ZSWIM4: variants seen among roughly 807,000 people sequenced by gnomAD.
ZSWIM4 encodes zinc finger SWIM domain-containing protein 4.
ZSWIM4 carries 62 observed loss-of-function variants against 102.5 expected under a neutral mutation model. The observed-to-expected ratio is 0.60, with a 90% CI of 0.49 to 0.75. The LOEUF is 0.75. Ranked by LOEUF, ZSWIM4 falls within the 30% of genes least tolerant of loss-of-function variation. The probability of loss-of-function intolerance (pLI) is 0.00; values close to 1 mark genes in which losing one functional copy is unlikely to be tolerated. For missense variants in ZSWIM4, 1,280 were observed against 1,529.6 expected (o/e 0.84, Z 2.72); for synonymous variants, 652 against 674.5 (o/e 0.97, Z 0.52).
chr19:13,808,105 A>G (rs1227713118), intron 3 of ZSWIM4, among the ~76,000 whole-genome samples: 2 of 152,062 alleles, frequency 1.3e-5, no homozygotes, highest in Non-Finnish European at 2.9e-5. Flanking sequence ...TGAGAACTCT[A>G]TCATGAGACA....
chr19:13,819,521 G>A (rs963694481), intron 10 of ZSWIM4, 29 bp downstream of exon 10: 1 of 1,560,124 alleles, frequency 6.4e-7, no homozygotes, highest in African/African-American at 1.4e-5. Context: ...GGCAGTGGCA[G>A]GGGGAGCTGG....
intron 9 of ZSWIM4, among the ~76,000 whole-genome samples, chr19:13,818,598 C>CT (rs201416382): frequency 0.01 from 1,529 of 152,330 alleles, 20 homozygotes; most frequent in African/African-American, 0.035. Flanking sequence ...AGTCTTCACT[C>CT]TGTCACCCAG....
intron 2 of ZSWIM4, among the ~76,000 whole-genome samples, chr19:13,804,374 G>A (rs896269165): frequency 6.6e-6 from 1 of 152,072 alleles, no homozygotes; most frequent in African/African-American, 2.4e-5. Flanking sequence ...GGAAGCTGAG[G>A]CAGGAGAATC....
At chr19:13,816,169 G>A (rs752781914) in intron 7 of ZSWIM4, among the ~76,000 whole-genome samples, 5 of 152,126 alleles carry the variant, frequency 3.3e-5, no homozygotes, top group Non-Finnish European at 5.9e-5. Flanking sequence ...AGTCGATGGG[G>A]TTGATGGATC....
intron 12 of ZSWIM4, among the ~76,000 whole-genome samples, chr19:13,827,332 C>G (rs765591678): frequency 1.3e-5 from 2 of 151,536 alleles, no homozygotes; most frequent in South Asian, 2.1e-4. Context: ...GGGCCAGGCC[C>G]TGTGGTTCAC....
chr19:13,817,201 T>C lies in ZSWIM4; in HGVS notation c.1532-15T>C, dbSNP rs1161225174. On this transcript the variant is annotated splice_polypyrimidine_tract_variant and intron_variant, in intron 7 of 13. Transcript: ENST00000590508. Reference sequence around the variant, plus strand: ...GCAGGTGTGTGGGCATTGAGCCCCCTCTTTCCACCTGCAGAGCTGCTCCAG... The same window carrying C: ...GCAGGTGTGTGGGCATTGAGCCCCCCCTTTCCACCTGCAGAGCTGCTCCAG... The C allele has an allele frequency of 1.9e-6, 3 of 1,603,404 alleles. No homozygotes were observed. Among genetic ancestry groups the C allele is most frequent in the Non-Finnish European group, 2.6e-6 (3 of 1,172,474 alleles).
rs193093741 is a variant in ZSWIM4 at position 13,820,962 on chromosome 19, C to G, written c.2060+1470C>G. ...ACCTGGTTTTCATTTATCACGTACA[C>G]CAGCAGATTCACAGAAGGAGAATAT... On this transcript the variant is annotated intron_variant, in intron 10 of 13. Transcript: ENST00000590508. 1.6e-3 allele frequency among the ~76,000 whole-genome samples: 250 copies of G among 151,620 alleles called. 2 individuals carry two copies. Among genetic ancestry groups the G allele is most frequent in the African/African-American group, 5.8e-3 (238 of 41,308 alleles).
rs377330296 is a variant in ZSWIM4 at position 13,809,254 on chromosome 19, G to C, written c.1012+34G>C. 2 of 1,564,228 alleles carry C rather than the reference G, an allele frequency of 1.3e-6. No individual in the cohort carries two copies. Among genetic ancestry groups the C allele is most frequent in the African/African-American group, 1.3e-5 (1 of 74,076 alleles). ...CAAACCCCGGTGCGTGGTGGACACC[G>C]GGACTTCGGCTCCCATGGGGGCTGG... On this transcript the variant is annotated intron_variant, in intron 5 of 13. Transcript: ENST00000590508. This position sits in a 1 kb window ranked among gnomAD's most constrained non-coding sequence, Gnocchi z 4.2.
At chr19:13,815,161 CTTTTTT>C (rs879592528) in intron 7 of ZSWIM4, 2 of 148,718 alleles carry the variant, frequency 1.3e-5, no homozygotes, top group South Asian at 3.9e-4. Flanking sequence ...GACCTCATCT[CTTTTTT>C]TTTTTGAGAC....
Position 13,817,308 on chromosome 19 carries a change from C to T in ZSWIM4, c.1624C>T (p.Leu542=). The T allele has an allele frequency of 2.5e-6, 4 of 1,614,072 alleles. No individual in the cohort carries two copies. The highest frequency in any genetic ancestry group is 3.4e-6 in the Non-Finnish European group (4 of 1,179,928). The change falls in exon 8 of 14, where the codon CTG becomes TTG. Residue 542 remains leucine (L), a synonymous_variant. Coordinates refer to ENST00000590508, the MANE Select transcript of ZSWIM4 (RefSeq NM_001367834.3). Reference sequence around the variant, plus strand: ...CATTGGCTGCCTCTGCAGGGCGCTCCTGGAGGCCTGTCGTCTGGAGGAGGA... The same window carrying T: ...CATTGGCTGCCTCTGCAGGGCGCTCTTGGAGGCCTGTCGTCTGGAGGAGGA... ...DPIGCLCRAL[L]EACRLEEETL...
In ZSWIM4 at chr19:13,809,166, C is replaced by T. The variant is rs1175528817; in HGVS notation, c.958C>T (p.Arg320Trp). 6.2e-6 allele frequency: 10 copies of T among 1,613,256 alleles called. No homozygotes were observed. Among genetic ancestry groups the T allele is most frequent in the Non-Finnish European group, 7.6e-6 (9 of 1,179,624 alleles). The change falls in exon 5 of 14, where the codon CGG becomes TGG. Residue 320 changes from arginine (R) to tryptophan (W), a missense_variant. Coordinates refer to ENST00000590508, the MANE Select transcript of ZSWIM4 (RefSeq NM_001367834.3). The surrounding 1 kb of genome is among the most constrained non-coding windows in gnomAD (Gnocchi z 4.2). ...GCAGGACACGCGCCTGGCCCTGTGG[C>T]GGCAGCAGGGCGCGGGCATGACGGA... is the stretch of plus-strand genomic sequence containing the variant. ...FLQDTRLALW[R>W]QQGAGMTDKC...
At position 13,812,860 on chromosome 19, in the gene ZSWIM4, A is replaced by G. The variant is rs111679361; in HGVS notation, c.1013-137A>G. The G allele has an allele frequency of 2.5e-5, 22 of 887,818 alleles. 1 individual carries two copies. Among genetic ancestry groups the G allele is most frequent in the African/African-American group, 2.0e-4 (12 of 59,532 alleles). The allele number at this position is 887,818 out of a possible 1,614,324, so 55.0% of individuals were successfully genotyped here. A position where few individuals can be genotyped will look rare whatever the true frequency, so the allele number is the denominator to read the frequency against. ...CTCAGTTTGCTTGTCTGTAAGGTGC[A>G]AAGGCTGCGAGTTGCAACTTCCGAG... On this transcript the variant is annotated intron_variant, in intron 5 of 13. Transcript: ENST00000590508.
At position 13,830,764 on chromosome 19, in the gene ZSWIM4, C is replaced by T. The variant is rs1356273885; in HGVS notation, c.3035C>T (p.Pro1012Leu). The T allele has an allele frequency of 6.2e-7, 1 of 1,607,152 alleles. No individual in the cohort carries two copies. The highest frequency in any genetic ancestry group is 8.5e-7 in the Non-Finnish European group (1 of 1,176,896). The stretch of plus-strand genomic sequence containing the variant: ...ACTCTCTCGGCGCCCGGTCTGGGCC[C>T]CTTAGGGGCACGCCGGGCCGCCAAG... ...RWTLSAPGLGPLGARRAAKPL... is the reference protein window; with the variant it reads ...RWTLSAPGLGLLGARRAAKPL... Residue 1012 changes from proline (P) to leucine (L), a missense_variant, in exon 14 of 14, where the codon CCC becomes CTC. By Grantham distance (98) the Pro-to-Leu change is moderately conservative. Coordinates refer to ENST00000590508, the MANE Select transcript of ZSWIM4 (RefSeq NM_001367834.3).
intron 2 of ZSWIM4, among the ~76,000 whole-genome samples, chr19:13,801,284 G>A (rs1326779469): frequency 6.6e-6 from 1 of 152,184 alleles, no homozygotes; most frequent in Non-Finnish European, 1.5e-5. Flanking sequence ...TGAGCTGAAG[G>A]TGGAAAGTGC....
At chr19:13,798,120 T>G (rs186524469) in intron 1 of ZSWIM4, among the ~76,000 whole-genome samples, 16 of 152,214 alleles carry the variant, frequency 1.1e-4, no homozygotes, top group African/African-American at 3.9e-4. Flanking sequence ...TGTGCATTCT[T>G]TTCTTTTCTT....
rs539022265 is a variant in ZSWIM4, at chr19:13,819,654, A to ATTATTTATTTAT, written c.2060+185_2060+196dup. On this transcript the variant is annotated intron_variant, in intron 10 of 13. Coordinates refer to ENST00000590508, the MANE Select transcript of ZSWIM4 (RefSeq NM_001367834.3). ...ATGATGCCATGTGCTTTTCATTATT[A>ATTATTTATTTAT]TTATTTATTTATTTATTTATTTATT... 5.1e-4 allele frequency among the ~76,000 whole-genome samples: 76 copies of ATTATTTATTTAT among 150,336 alleles called. 1 individual carries two copies. The highest frequency in any genetic ancestry group is 1.6e-3 in the African/African-American group (67 of 40,632).
At chr19:13,810,017 C>A (rs1975032326) in intron 5 of ZSWIM4, among the ~76,000 whole-genome samples, 1 of 149,424 alleles carries the variant, frequency 6.7e-6, no homozygotes, top group African/African-American at 2.5e-5. Flanking sequence ...GAAGGAGTCT[C>A]GCTCTGTCAT....
Position 13,817,430 on chromosome 19 carries a change from A to G in ZSWIM4, c.1669+77A>G, listed in dbSNP as rs1297834808. 1.3e-6 allele frequency: 2 copies of G among 1,543,360 alleles called. 1 individual carries two copies. Among genetic ancestry groups the G allele is most frequent in the African/African-American group, 2.7e-5 (2 of 73,546 alleles). On this transcript the variant is annotated intron_variant, in intron 8 of 13. Coordinates refer to ENST00000590508, the MANE Select transcript of ZSWIM4 (RefSeq NM_001367834.3). ...CCACGCCCCCTGGCCCAGTACCCCT[A>G]TAAGGTAACTCCCAGACTCTGACCC...
At chr19:13,821,177 C>T (rs994997255) in intron 10 of ZSWIM4, among the ~76,000 whole-genome samples, 2 of 151,364 alleles carry the variant, frequency 1.3e-5, no homozygotes, top group African/African-American at 2.4e-5. Flanking sequence ...CCAGCTACTC[C>T]GGAGGCTGAG....
Sources: allele counts gnomAD v4.1 joint callset (sites outside exome capture counted in the v4.1 genomes callset), GRCh38; gene constraint gnomAD v4.1.1; non-coding constraint Gnocchi (gnomAD v3.1); transcripts MANE v1.5; gene names NCBI Gene and HGNC (gene_info 2026-07-23, HGNC 2026-07-21).